Variants in XKR6 observed in about 807,000 individuals in gnomAD.
XKR6 encodes the protein XK related 6.
XKR6 carries 22 observed loss-of-function variants against 56.7 expected under a neutral mutation model. The ratio of observed to expected loss-of-function variants is 0.39; its 90% CI spans 0.28 to 0.55. XKR6 has a LOEUF of 0.55. Ranked by LOEUF, XKR6 falls within the 20% of genes least tolerant of loss-of-function variation. XKR6 has a pLI of 0.66. For synonymous variants in XKR6, 524 were observed against 387.8 expected, an observed-to-expected ratio of 1.35 and a Z score of -4.13; for missense variants, 852 against 889.0, an observed-to-expected ratio of 0.96 and a Z score of 0.53.
chr8:10,982,760 T>C (rs1797763525), intron 1 of XKR6, among the ~76,000 whole-genome samples: 1 of 152,184 alleles, frequency 6.6e-6, no homozygotes, highest in Middle Eastern at 3.2e-3. Context: ...GACCTTAACC[T>C]GCTGTGGTTG....
intron 1 of XKR6, among the ~76,000 whole-genome samples, chr8:11,055,189 C>T (rs1041918981): frequency 6.6e-6 from 1 of 152,172 alleles, no homozygotes; most frequent in African/African-American, 2.4e-5. Context: ...TTGGGCTCAA[C>T]TCTGATGACA....
At chr8:11,142,381 A>C (rs966582393) in intron 1 of XKR6, among the ~76,000 whole-genome samples, 2 of 152,190 alleles carry the variant, frequency 1.3e-5, no homozygotes, top group Non-Finnish European at 2.9e-5. Flanking sequence ...AGTCAATTTA[A>C]GGAGGCTCCC....
chr8:11,110,129 C>T (rs1798834011), intron 1 of XKR6, among the ~76,000 whole-genome samples: 1 of 152,084 alleles, frequency 6.6e-6, no homozygotes, highest in African/African-American at 2.4e-5. Context: ...CCCGCCACCA[C>T]ATCCGGCTCA....
intron 1 of XKR6, among the ~76,000 whole-genome samples, chr8:10,978,813 A>G (rs1012498989): frequency 3.9e-5 from 6 of 152,068 alleles, no homozygotes; most frequent in Non-Finnish European, 8.8e-5. Flanking sequence ...GCCTTGTCCC[A>G]TGTCATTCTT....
chr8:11,201,181 C>A lies in XKR6; in HGVS notation c.159G>T (p.Ser53=). ...TGTTGCAGCAGTGGCAGATGTGCAT[C>A]GAGCTGCTCTCGCCGGGCTCGCTGC... ...GDGSEPGESS[S]MHICHCCNTS... is the part of the protein sequence containing the mutation. Residue 53 remains serine, a synonymous_variant, in exon 1 of 3, where the codon TCG becomes TCT. Coordinates refer to ENST00000416569, the MANE Select transcript of XKR6 (RefSeq NM_173683.4). The A allele has an allele frequency of 6.5e-7, 1 of 1,527,754 alleles. No homozygotes were observed. 94.6% of individuals were successfully genotyped at this position (1,527,754 alleles called of 1,614,324 possible).
Position 11,201,831 on chromosome 8 carries a change from A to G in XKR6, c.-492T>C, listed in dbSNP as rs566064309. Among the ~76,000 whole-genome samples, 2 of 151,490 alleles carry G rather than the reference A, an allele frequency of 1.3e-5. No individual in the cohort carries two copies. Among genetic ancestry groups the G allele is most frequent in the East Asian group, 3.9e-4 (2 of 5,102 alleles). On this transcript the variant is annotated 5_prime_UTR_variant, in exon 1 of 3. Coordinates refer to ENST00000416569, the MANE Select transcript of XKR6 (RefSeq NM_173683.4). The stretch of plus-strand genomic sequence containing the variant: ...CTTTCCTCCTGGAGAAACGCCCCCT[A>G]ACACCCTCCCGGCTGCTGGTGGAGG...
At chr8:11,082,160 G>T (rs1241809111) in intron 1 of XKR6, among the ~76,000 whole-genome samples, 1 of 152,188 alleles carries the variant, frequency 6.6e-6, no homozygotes, top group Non-Finnish European at 1.5e-5. Context: ...AATTCAAGGA[G>T]CCAATTTCTG....
intron 1 of XKR6, among the ~76,000 whole-genome samples, chr8:11,053,607 G>A (rs189414185): frequency 6.6e-6 from 1 of 152,350 alleles, no homozygotes. Context: ...AAACAGATGA[G>A]CTCTGATTGA....
Position 10,898,149 on chromosome 8 carries a change from G to C in XKR6, c.1729C>G (p.Pro577Ala). 1 of 1,614,066 alleles carries C rather than the reference G, an allele frequency of 6.2e-7. No homozygotes were observed. Among genetic ancestry groups the C allele is most frequent in the Non-Finnish European group, 8.5e-7 (1 of 1,179,944 alleles). ...PMGPPTPLGR[P>A]YLPEGPLIKI... ...ATGAGGGGCCCTTCTGGGAGGTAAGGACGCCCCAACGGGGTAGGGGGCCCC... is the reference window on the plus strand; with the variant it reads ...ATGAGGGGCCCTTCTGGGAGGTAAGCACGCCCCAACGGGGTAGGGGGCCCC... The change falls in exon 3 of 3, where the codon CCT becomes GCT. Residue 577 changes from proline to alanine, a missense_variant. By Grantham distance (27) the Pro-to-Ala change is conservative. Around this residue, in one of 4 missense-constraint regions of XKR6, gnomAD observed 197 missense variants for 190.9 expected, o/e 1.03. Coordinates refer to ENST00000416569, the MANE Select transcript of XKR6 (RefSeq NM_173683.4). The surrounding 1 kb of genome is among the most constrained non-coding windows in gnomAD (Gnocchi z 6.6).
chr8:10,993,514 G>A (rs555361498), intron 1 of XKR6, among the ~76,000 whole-genome samples: 29 of 152,352 alleles, frequency 1.9e-4, no homozygotes, highest in Admixed American at 1.6e-3. Flanking sequence ...CCCAGGGCCT[G>A]TGTCTTCAGG....
intron 2 of XKR6, among the ~76,000 whole-genome samples, chr8:10,912,304 G>GGGTATATA: frequency 4.2e-5 from 1 of 23,884 alleles, no homozygotes; most frequent in East Asian, 1.8e-3. Flanking sequence ...TAAAGAGAGG[G>GGGTATATA]TGTATATATA....
At chr8:11,111,089 C>T (rs1015378251) in intron 1 of XKR6, among the ~76,000 whole-genome samples, 21 of 148,728 alleles carry the variant, frequency 1.4e-4, no homozygotes, top group Middle Eastern at 3.6e-3. Flanking sequence ...CTCCTGACCT[C>T]GTGATCTGCC....
intron 1 of XKR6, among the ~76,000 whole-genome samples, chr8:10,976,020 A>G (rs1802545248): frequency 1.4e-5 from 2 of 144,718 alleles, no homozygotes; most frequent in Non-Finnish European, 3.2e-5. Context: ...TAAAAATACA[A>G]AAAAAATTAG....
chr8:11,183,592 G>C (rs750646392), intron 1 of XKR6, among the ~76,000 whole-genome samples: 1 of 151,750 alleles, frequency 6.6e-6, no homozygotes, highest in African/African-American at 2.4e-5. Context: ...CAAAGTGCTG[G>C]GATTACAGGT....
chr8:11,194,561 T>C (rs938374138), intron 1 of XKR6: 12 of 152,210 alleles, frequency 7.9e-5, no homozygotes, highest in African/African-American at 2.9e-4. Flanking sequence ...GGGAGTAAAC[T>C]AAAATTTTAA....
chr8:10,970,121 C>T (rs1030142691), intron 1 of XKR6, among the ~76,000 whole-genome samples: 6 of 152,218 alleles, frequency 3.9e-5, no homozygotes, highest in African/African-American at 1.4e-4. Context: ...GGTCAGATGC[C>T]TCTGGCTGCT....
chr8:11,088,968 G>A (rs1220449401), intron 1 of XKR6, among the ~76,000 whole-genome samples: 1 of 152,218 alleles, frequency 6.6e-6, no homozygotes, highest in African/African-American at 2.4e-5. Context: ...ATAAATGCAT[G>A]ATGGATGGAT....
At chr8:10,970,572 A>T (rs772160738) in intron 1 of XKR6, among the ~76,000 whole-genome samples, 3 of 152,070 alleles carry the variant, frequency 2.0e-5, no homozygotes, top group South Asian at 2.1e-4. Context: ...AATGAGGAAG[A>T]CATTGAGATG....
At chr8:11,081,931 A>G (rs1489154065) in intron 1 of XKR6, among the ~76,000 whole-genome samples, 1 of 152,224 alleles carries the variant, frequency 6.6e-6, no homozygotes, top group Non-Finnish European at 1.5e-5. Flanking sequence ...CCAGCCCGAC[A>G]GGCAGTGGGT....
Sources: gnomAD v4.1 joint callset for allele counts (sites outside exome capture counted in the v4.1 genomes callset) on GRCh38, gnomAD v4.1.1 for gene constraint, gnomAD v4.1.1 regional missense constraint, Gnocchi (gnomAD v3.1) non-coding constraint, MANE v1.5 for transcripts, NCBI Gene and HGNC (gene_info 2026-07-23, HGNC 2026-07-21) for gene names.